KDM4C: variants seen among roughly 807,000 people sequenced by gnomAD.
KDM4C encodes lysine-specific demethylase 4C.
A neutral mutation model predicts 129.3 loss-of-function variants in KDM4C; 81 were observed. That is an observed-to-expected ratio of 0.63 (90% CI 0.52 to 0.75). The LOEUF (loss-of-function observed/expected upper bound fraction) is 0.75, where lower values mean the gene tolerates loss of function less well. KDM4C is among the 30% of genes least tolerant of loss of function. The probability of loss-of-function intolerance (pLI) is 0.00; values close to 1 mark genes in which losing one functional copy is unlikely to be tolerated. For missense variants in KDM4C, 1,457 were observed against 1,304.0 expected, an observed-to-expected ratio of 1.12 and a Z score of -1.81; for synonymous variants, 573 against 456.1, an observed-to-expected ratio of 1.26 and a Z score of -3.26.
At chr9:6,904,351 A>G (rs187814616) in intron 8 of KDM4C, among the ~76,000 whole-genome samples, 1 of 152,188 alleles carries the variant, frequency 6.6e-6, no homozygotes, top group African/African-American at 2.4e-5. Context: ...GATACTTACT[A>G]CAAGAAAATT....
chr9:6,888,639 C>T (rs1024012511), intron 7 of KDM4C, among the ~76,000 whole-genome samples: 3 of 152,150 alleles, frequency 2.0e-5, no homozygotes, highest in Admixed American at 6.5e-5. Flanking sequence ...AGAATTATTG[C>T]AGAGCTCAAA....
intron 19 of KDM4C, among the ~76,000 whole-genome samples, chr9:7,142,373 C>T (rs1256209426): frequency 6.6e-6 from 1 of 152,182 alleles, no homozygotes; most frequent in East Asian, 1.9e-4. Flanking sequence ...TTTGGCCTCC[C>T]AAAATGCTGG....
intron 17 of KDM4C, among the ~76,000 whole-genome samples, chr9:7,082,369 C>G (rs370355963): frequency 6.6e-6 from 1 of 152,106 alleles, no homozygotes; most frequent in Non-Finnish European, 1.5e-5. Context: ...ACAGAGAGCC[C>G]AAGCAGGCAT....
At chr9:6,860,245 CGTTT>C (rs1840680154) in intron 5 of KDM4C, among the ~76,000 whole-genome samples, 1 of 152,062 alleles carries the variant, frequency 6.6e-6, no homozygotes, top group Admixed American at 6.6e-5. Flanking sequence ...GAACCAACAC[CGTTT>C]GTTTGCCACC....
intron 17 of KDM4C, among the ~76,000 whole-genome samples, chr9:7,052,643 T>A (rs1169404441): frequency 6.6e-6 from 1 of 152,180 alleles, no homozygotes; most frequent in African/African-American, 2.4e-5. Flanking sequence ...CTATGAAACA[T>A]GCATGCAGTA....
Position 7,109,436 on chromosome 9 carries a change from G to A in KDM4C, c.2610+5566G>A, listed in dbSNP as rs766726363. On this transcript the variant is annotated intron_variant, in intron 18 of 21. Coordinates refer to ENST00000381309, the MANE Select transcript of KDM4C (RefSeq NM_015061.6). ...TTTTAGAAAGCCTGTTTCCTCCAGAGCCTACCCCTGATTCTGGTTTATACA... is the reference window on the plus strand; with the variant it reads ...TTTTAGAAAGCCTGTTTCCTCCAGAACCTACCCCTGATTCTGGTTTATACA... Among the ~76,000 whole-genome samples, 4 of 152,262 alleles carry A rather than the reference G, an allele frequency of 2.6e-5. No homozygotes were observed. In the South Asian group the frequency reaches 6.2e-4, roughly 24 times the overall value.
At chr9:6,882,824 G>A (rs932328944) in intron 6 of KDM4C, among the ~76,000 whole-genome samples, 4 of 151,540 alleles carry the variant, frequency 2.6e-5, no homozygotes, top group African/African-American at 7.3e-5. Flanking sequence ...GCACGTGCAC[G>A]CACATTGTGG....
intron 2 of KDM4C, 78 bp downstream of exon 2, chr9:6,793,210 A>G: frequency 2.0e-6 from 3 of 1,496,038 alleles, no homozygotes; most frequent in Non-Finnish European, 2.7e-6. Flanking sequence ...ACGATTTGGG[A>G]CATTGTTTCT....
intron 1 of KDM4C, among the ~76,000 whole-genome samples, chr9:6,789,046 G>GTT (rs572673032): frequency 5.9e-5 from 8 of 135,150 alleles, no homozygotes; most frequent in Admixed American, 7.5e-5. Context: ...CCAGATTTTT[G>GTT]TTTTTTTTTT....
At chr9:6,916,569 C>G (rs1390829428) in intron 8 of KDM4C, among the ~76,000 whole-genome samples, 1 of 152,054 alleles carries the variant, frequency 6.6e-6, no homozygotes, top group Non-Finnish European at 1.5e-5. Flanking sequence ...TGATATTTTT[C>G]TTTATTGGCT....
rs140671833 is a variant in KDM4C at position 6,751,028 on chromosome 9, T to C, written c.49+30031T>C. On this transcript the variant is annotated intron_variant, in intron 1 of 17. Coordinates refer to the KDM4C transcript ENST00000536108. ...CTCTGGTAAGCTAGAAGAACTTCCTTACATGACAGTCTCAGGACCGTATCA... is the reference window on the plus strand; with the variant it reads ...CTCTGGTAAGCTAGAAGAACTTCCTCACATGACAGTCTCAGGACCGTATCA... Among the ~76,000 whole-genome samples the C allele has an allele frequency of 4.8e-3, 728 of 152,308 alleles. 11 individuals carry two copies. The highest frequency in any genetic ancestry group is 0.017 in the African/African-American group (686 of 41,566).
At chr9:6,862,758 G>T (rs1563715502) in intron 5 of KDM4C, among the ~76,000 whole-genome samples, 1 of 152,224 alleles carries the variant, frequency 6.6e-6, no homozygotes, top group Non-Finnish European at 1.5e-5. Flanking sequence ...AGTGAGCCGA[G>T]ATCACGCCAC....
At chr9:6,778,975 A>G (rs56836206) in intron 1 of KDM4C, among the ~76,000 whole-genome samples, 89,818 of 147,394 alleles carry the variant, frequency 0.61, 27,937 homozygotes, top group African/African-American at 0.72. Context: ...ACCCACCTTG[A>G]CCTTCCAAAG....
chr9:7,165,783 A>T (rs936103143), intron 20 of KDM4C, among the ~76,000 whole-genome samples: 7 of 152,316 alleles, frequency 4.6e-5, no homozygotes, highest in Admixed American at 4.6e-4. Flanking sequence ...CCGCTATCTC[A>T]GCAAAGCTAG....
intron 9 of KDM4C, chr9:6,982,388 G>A (rs575320059): frequency 6.6e-6 from 1 of 152,234 alleles, no homozygotes; most frequent in African/African-American, 2.4e-5. Flanking sequence ...TCGTCAAAGT[G>A]TTTGTTAGTA....
intron 3 of KDM4C, among the ~76,000 whole-genome samples, chr9:6,811,160 C>CT (rs1006437594): frequency 4.6e-5 from 7 of 151,178 alleles, no homozygotes; most frequent in Non-Finnish European, 8.9e-5. Context: ...GCTGGGCTGT[C>CT]TTTTTTTTTC....
chr9:6,755,787 A>G (rs1818232298), upstream of KDM4C, among the ~76,000 whole-genome samples: 3 of 152,196 alleles, frequency 2.0e-5, no homozygotes, highest in Non-Finnish European at 4.4e-5. Context: ...TTGATACATT[A>G]GGGACACAAG....
At chr9:6,840,344 A>G (rs1300538693) in intron 4 of KDM4C, among the ~76,000 whole-genome samples, 1 of 151,822 alleles carries the variant, frequency 6.6e-6, no homozygotes, top group African/African-American at 2.4e-5. Flanking sequence ...AAATGCTAGG[A>G]TTACAGGCAC....
chr9:7,098,912 G>C (rs10815514), intron 17 of KDM4C, among the ~76,000 whole-genome samples: 54,248 of 151,992 alleles, frequency 0.36, 9,971 homozygotes, highest in Middle Eastern at 0.51. Flanking sequence ...AAAATCAAAG[G>C]ATTCTATTAC....
Sources: allele counts gnomAD v4.1 joint callset (sites outside exome capture counted in the v4.1 genomes callset), GRCh38; gene constraint gnomAD v4.1.1; transcripts MANE v1.5; gene names NCBI Gene and HGNC (gene_info 2026-07-23, HGNC 2026-07-21).